Variants in MRPL37 observed in about 807,000 individuals in gnomAD.
MRPL37 encodes large ribosomal subunit protein mL37.
MRPL37 carries 34 observed loss-of-function variants against 44.1 expected under a neutral mutation model. The ratio of observed to expected loss-of-function variants is 0.77; its 90% CI spans 0.59 to 1.03. The LOEUF is 1.03. Ranked by LOEUF, MRPL37 falls within the 50% of genes least tolerant of loss-of-function variation. MRPL37 has a pLI of 0.00. For missense variants in MRPL37, 532 were observed against 543.7 expected (o/e 0.98, Z 0.21); for synonymous variants, 212 against 219.5 (o/e 0.97, Z 0.30).
downstream of MRPL37, among the ~76,000 whole-genome samples, chr1:54,222,981 G>A (rs1411453125): frequency 6.6e-6 from 1 of 152,232 alleles, no homozygotes; most frequent in Non-Finnish European, 1.5e-5. Context: ...AGTCTATGGA[G>A]GCTCAAAGTG....
intron 4 of MRPL37, among the ~76,000 whole-genome samples, chr1:54,211,301 CTG>C (rs1311755415): frequency 1.3e-5 from 2 of 152,162 alleles, no homozygotes; most frequent in Non-Finnish European, 2.9e-5. Context: ...CCCCTCTAAA[CTG>C]TGAGCTCCTC....
intron 3 of MRPL37, among the ~76,000 whole-genome samples, chr1:54,208,928 A>C (rs1644144063): frequency 6.6e-6 from 1 of 152,060 alleles, no homozygotes; most frequent in Non-Finnish European, 1.5e-5. Flanking sequence ...CCCACAGTAC[A>C]CAGGACATTC....
chr1:54,220,395 G>A (rs1644224396), downstream of MRPL37, among the ~76,000 whole-genome samples: 1 of 152,226 alleles, frequency 6.6e-6, no homozygotes, highest in African/African-American at 2.4e-5. Context: ...GGGCAGCTCG[G>A]ATGCTGGCCT....
downstream of MRPL37, chr1:54,225,268 C>T: frequency 8.1e-7 from 1 of 1,234,268 alleles, no homozygotes; most frequent in Non-Finnish European, 1.0e-6. Flanking sequence ...CGCGACTCCA[C>T]AAGAACACAG....
At position 54,200,257 on chromosome 1, in the gene MRPL37, CCGGGCCCGCAAGGCGGG is replaced by C. The variant is rs1172650824; in HGVS notation, c.17_33del (p.Gly6AlafsTer21). ...TATCAGATCGGTATGGCATTGGCGTCCGGGCCCGCAAGGCGGGCGCTAGCTGGCTCCGGGCAGCTCGG... is the reference window on the plus strand; with the variant it reads ...TATCAGATCGGTATGGCATTGGCGTCCGCTAGCTGGCTCCGGGCAGCTCGG... On this transcript the variant is annotated frameshift_variant, in exon 1 of 7. Coordinates refer to ENST00000360840, the MANE Select transcript of MRPL37 (RefSeq NM_016491.4). LOFTEE classifies it high-confidence loss of function. The C allele has an allele frequency of 6.3e-7, 1 of 1,591,476 alleles. No individual in the cohort carries two copies. Among genetic ancestry groups the C allele is most frequent in the Non-Finnish European group, 8.5e-7 (1 of 1,171,808 alleles).
chr1:54,217,147 CA>C (rs1644203845), intron 6 of MRPL37, among the ~76,000 whole-genome samples: 1 of 152,152 alleles, frequency 6.6e-6, no homozygotes, highest in Non-Finnish European at 1.5e-5. Context: ...GCTCTGGGAC[CA>C]ACCAGGCCCC....
At chr1:54,206,857 C>T (rs1410698893) in intron 3 of MRPL37, among the ~76,000 whole-genome samples, 1 of 151,902 alleles carries the variant, frequency 6.6e-6, no homozygotes, top group Non-Finnish European at 1.5e-5. Context: ...GTCTCAGCCT[C>T]TCAAGTAGCT....
At chr1:54,207,077 TCTC>T (rs1644129381) in intron 3 of MRPL37, among the ~76,000 whole-genome samples, 1 of 152,162 alleles carries the variant, frequency 6.6e-6, no homozygotes. Context: ...TTAACCAAAT[TCTC>T]CTTATCTGCA....
rs1381932296 is a variant in MRPL37, at chr1:54,212,491, T to C, written c.833-10T>C. The C allele has an allele frequency of 6.2e-7, 1 of 1,613,326 alleles. No homozygotes were observed. Among genetic ancestry groups the C allele is most frequent in the South Asian group, 1.1e-5 (1 of 90,982 alleles). On this transcript the variant is annotated splice_polypyrimidine_tract_variant and intron_variant, in intron 4 of 6. Coordinates refer to ENST00000360840, the MANE Select transcript of MRPL37 (RefSeq NM_016491.4). ...CTTTCCACCCCTCCACATAATTGTG[T>C]CTCTTGCAGGATTCCAGGAAGGCTA...
chr1:54,213,140 CA>C lies in MRPL37; in HGVS notation c.990+484del, dbSNP rs568358610. Among the ~76,000 whole-genome samples, 8 of 152,320 alleles carry C rather than the reference CA, an allele frequency of 5.3e-5. No individual in the cohort carries two copies. The South Asian group carries it at 1.7e-3, about 32-fold the overall frequency. ...CAACTCAGGATGGGTGCTGGGGACC[CA>C]AGATACTCGTTGGTGTTATCCCCTG... is the stretch of plus-strand genomic sequence containing the variant. On this transcript the variant is annotated intron_variant, in intron 5 of 6. Coordinates refer to ENST00000360840, the MANE Select transcript of MRPL37 (RefSeq NM_016491.4).
chr1:54,201,095 CAA>C (rs1644077809), intron 1 of MRPL37, among the ~76,000 whole-genome samples: 2 of 152,188 alleles, frequency 1.3e-5, no homozygotes, highest in African/African-American at 4.8e-5. Flanking sequence ...ATGACTTTGC[CAA>C]AACCAGCCTG....
chr1:54,220,761 G>T (rs1327580498), downstream of MRPL37: 1 of 471,420 alleles, frequency 2.1e-6, no homozygotes, highest in Admixed American at 2.3e-5. Flanking sequence ...GCTGGTGAAG[G>T]AGCAGGAGCA....
Position 54,200,357 on chromosome 1 carries a change from G to T in MRPL37, c.114G>T (p.Thr38=). The part of the protein sequence containing the change: ...RGAYEWGVRS[T]RKSEPPPLDR... ...CGTATGAGTGGGGCGTGCGCTCCAC[G>T]CGGAAGTCGGAGCCTCCTCCCCTGG... The change falls in exon 1 of 7, where the codon ACG becomes ACT. Residue 38 remains threonine (T), a synonymous_variant. Transcript: ENST00000360840. 1 of 1,614,166 alleles carries T rather than the reference G, an allele frequency of 6.2e-7. No individual in the cohort carries two copies. Among genetic ancestry groups the T allele is most frequent in the Non-Finnish European group, 8.5e-7 (1 of 1,180,018 alleles).
intron 1 of MRPL37, among the ~76,000 whole-genome samples, chr1:54,203,444 G>T (rs17259193): frequency 0.016 from 2,426 of 149,428 alleles, 55 homozygotes; most frequent in East Asian, 0.073. Context: ...AAAAATTCAT[G>T]ATGTGAGGTT....
intron 5 of MRPL37, among the ~76,000 whole-genome samples, chr1:54,214,263 T>G (rs1193285120): frequency 1.3e-5 from 2 of 152,286 alleles, no homozygotes; most frequent in East Asian, 3.9e-4. Context: ...CCTTGTAGTT[T>G]TTTAACCCCA....
At chr1:54,216,828 G>A (rs928058481) in intron 6 of MRPL37, among the ~76,000 whole-genome samples, 5 of 152,108 alleles carry the variant, frequency 3.3e-5, no homozygotes, top group Non-Finnish European at 7.3e-5. Context: ...ATCAGAGCAC[G>A]ATCACATTGC....
At chr1:54,222,167 G>C (rs1644238935), downstream of MRPL37, among the ~76,000 whole-genome samples, 1 of 152,212 alleles carries the variant, frequency 6.6e-6, no homozygotes, top group African/African-American at 2.4e-5. Flanking sequence ...TCAGGACGAA[G>C]AGGGCTCTTA....
downstream of MRPL37, chr1:54,220,773 G>A (rs1291353013): frequency 2.1e-6 from 1 of 471,476 alleles, no homozygotes; most frequent in Admixed American, 2.3e-5. Context: ...GCAGGAGCAC[G>A]CTGCAGGGAG....
chr1:54,209,935 C>T lies in MRPL37; in HGVS notation c.647-11C>T. 6.2e-7 allele frequency: 1 copy of T among 1,611,436 alleles called. No individual in the cohort carries two copies. On this transcript the variant is annotated splice_polypyrimidine_tract_variant and intron_variant, in intron 3 of 6. Transcript: ENST00000360840. ...GTACCAGGTTAGAGTAACCATTTTT[C>T]TCCCTTTTAGAGTCTCTTCTCCTTC...
Sources: gnomAD v4.1 joint callset for allele counts (sites outside exome capture counted in the v4.1 genomes callset) on GRCh38, gnomAD v4.1.1 for gene constraint, MANE v1.5 for transcripts, NCBI Gene and HGNC (gene_info 2026-07-23, HGNC 2026-07-21) for gene names.